The following BRI3BP variants were observed in gnomAD, a reference collection of about 807,000 sequenced individuals.
BRI3BP encodes BRI3 binding protein.
Under a neutral mutation model 15.8 loss-of-function variants are expected in BRI3BP, and 7 were observed. The observed-to-expected ratio is 0.44, with a 90% CI of 0.25 to 0.83. The LOEUF (loss-of-function observed/expected upper bound fraction) is 0.83. Ranked by LOEUF, BRI3BP falls within the 40% of genes least tolerant of loss-of-function variation. The pLI, the probability that BRI3BP is intolerant of heterozygous loss-of-function variation, is 0.20. For missense variants in BRI3BP, 320 were observed against 339.3 expected (o/e 0.94, Z 0.45); for synonymous variants, 192 against 163.5 (o/e 1.17, Z -1.33).
At chr12:125,040,445 A>G in the BRI3BP span, among the ~76,000 whole-genome samples, 1 of 150,912 alleles carries the variant, frequency 6.6e-6, no homozygotes, top group Admixed American at 6.6e-5. Context: ...CCTGGGTTCA[A>G]GCGATTCTCC....
chr12:125,006,048 T>C (rs118175218), intron 1 of BRI3BP, among the ~76,000 whole-genome samples: 6,069 of 152,242 alleles, frequency 0.04, 248 homozygotes, highest in Admixed American at 0.13. Context: ...GTCTTTCCTC[T>C]GTTTATCTGG....
chr12:125,032,771 C>T (rs538840911), downstream of BRI3BP, among the ~76,000 whole-genome samples: 2 of 152,302 alleles, frequency 1.3e-5, no homozygotes, highest in East Asian at 3.9e-4. Context: ...GAGATCCTAT[C>T]TCAAAATATA....
rs1260212385 is a variant in BRI3BP, at chr12:125,029,247, C to G, written c.*3817C>G. ...ATACTTTCCAGGCTGGGTGCAGTGG[C>G]TCAAGCTTGTAATCCCAGCACTTTG... On this transcript the variant is annotated 3_prime_UTR_variant, in exon 3 of 3. Transcript: ENST00000341446. The G allele has an allele frequency of 1.3e-5, 2 of 151,266 alleles. No homozygotes were observed. Among genetic ancestry groups the G allele is most frequent in the East Asian group, 3.9e-4 (2 of 5,152 alleles). 9.4% of individuals were successfully genotyped at this position (151,266 alleles called of 1,614,324 possible). A position where few individuals can be genotyped will look rare whatever the true frequency, so the allele number is the denominator to read the frequency against.
chr12:125,043,694 T>A, the BRI3BP span, among the ~76,000 whole-genome samples: 1 of 151,870 alleles, frequency 6.6e-6, no homozygotes, highest in Non-Finnish European at 1.5e-5. Context: ...CCTTCTCTAC[T>A]AAAAATACAA....
chr12:125,047,900 T>G, the BRI3BP span, among the ~76,000 whole-genome samples: 2 of 151,890 alleles, frequency 1.3e-5, no homozygotes, highest in East Asian at 3.9e-4. Context: ...TTTCACCATG[T>G]TGGCCAGGCT....
At chr12:125,047,252 C>T in the BRI3BP span, among the ~76,000 whole-genome samples, 1 of 151,356 alleles carries the variant, frequency 6.6e-6, no homozygotes, top group South Asian at 2.1e-4. Context: ...AGGTTCACGC[C>T]ATTCTCCTGC....
intron 2 of BRI3BP, 58 bp downstream of exon 2, chr12:125,012,694 T>C: frequency 7.5e-7 from 1 of 1,333,488 alleles, no homozygotes; most frequent in Middle Eastern, 1.8e-4. Flanking sequence ...GTTCTCATAG[T>C]GTGGAACTGG....
chr12:125,034,539 C>A (rs1482976851), downstream of BRI3BP, among the ~76,000 whole-genome samples: 4 of 152,128 alleles, frequency 2.6e-5, no homozygotes. Context: ...CACTGCTCTC[C>A]ATCCCCAGGC....
At chr12:125,014,431 C>T (rs1382967527) in intron 2 of BRI3BP, among the ~76,000 whole-genome samples, 2 of 152,170 alleles carry the variant, frequency 1.3e-5, no homozygotes, top group African/African-American at 4.8e-5. Flanking sequence ...TCCTCACAGC[C>T]GTGATTTATT....
downstream of BRI3BP, among the ~76,000 whole-genome samples, chr12:125,032,148 A>G (rs981534341): frequency 4.6e-5 from 7 of 152,150 alleles, no homozygotes; most frequent in Non-Finnish European, 7.4e-5. Context: ...TCATTTGAAT[A>G]AAGTCAATAC....
intron 1 of BRI3BP, among the ~76,000 whole-genome samples, chr12:125,004,458 C>A (rs1281829810): frequency 1.3e-5 from 2 of 152,182 alleles, no homozygotes; most frequent in Non-Finnish European, 2.9e-5. Context: ...GCGTTAGCCA[C>A]CATGCCTGGC....
chr12:125,045,955 A>C, the BRI3BP span, among the ~76,000 whole-genome samples: 1 of 152,116 alleles, frequency 6.6e-6, no homozygotes, highest in Admixed American at 6.6e-5. Flanking sequence ...ACCTGAGGTC[A>C]GGAGTTCAAG....
At chr12:124,997,154 C>T (rs1955047093) in intron 1 of BRI3BP, among the ~76,000 whole-genome samples, 1 of 147,622 alleles carries the variant, frequency 6.8e-6, no homozygotes, top group African/African-American at 2.5e-5. Flanking sequence ...AGCTGTTTCT[C>T]ACTCGCTCTG....
chr12:125,043,277 G>A, the BRI3BP span, among the ~76,000 whole-genome samples: 8 of 152,094 alleles, frequency 5.3e-5, no homozygotes, highest in African/African-American at 7.2e-5. Context: ...GAGGCTAAGC[G>A]TGCAGGCTCA....
chr12:124,996,298 A>T (rs994342515), intron 1 of BRI3BP, among the ~76,000 whole-genome samples: 12 of 151,514 alleles, frequency 7.9e-5, no homozygotes, highest in East Asian at 1.9e-4. Context: ...GTTTTTTTTT[A>T]AATTTAATTA....
At chr12:125,041,094 G>A in the BRI3BP span, among the ~76,000 whole-genome samples, 2 of 151,870 alleles carry the variant, frequency 1.3e-5, no homozygotes, top group Non-Finnish European at 2.9e-5. Context: ...CGCCCAGGCT[G>A]GAGTGCAGTG....
the BRI3BP span, among the ~76,000 whole-genome samples, chr12:125,040,309 TTTTG>T: frequency 6.6e-6 from 1 of 151,986 alleles, no homozygotes; most frequent in Non-Finnish European, 1.5e-5. Context: ...CACTATTTTT[TTTTG>T]TTTTTGTTTT....
At chr12:125,014,304 C>T (rs1225371898) in intron 2 of BRI3BP, among the ~76,000 whole-genome samples, 4 of 152,180 alleles carry the variant, frequency 2.6e-5, no homozygotes, top group African/African-American at 9.7e-5. Context: ...GTCCCTGGTC[C>T]CAGCTGCCAC....
chr12:125,006,054 T>C (rs117463265), intron 1 of BRI3BP, among the ~76,000 whole-genome samples: 6,067 of 152,224 alleles, frequency 0.04, 247 homozygotes, highest in Admixed American at 0.13. Context: ...CCTCTGTTTA[T>C]CTGGGTCCTG....
Sources: allele counts gnomAD v4.1 joint callset (sites outside exome capture counted in the v4.1 genomes callset), GRCh38; gene constraint gnomAD v4.1.1; transcripts MANE v1.5; gene names NCBI Gene and HGNC (gene_info 2026-07-23, HGNC 2026-07-21).